The following B4GALNT2 variants were observed in gnomAD, a reference collection of about 807,000 sequenced individuals.
The protein encoded by B4GALNT2 is N-acetylneuraminylgalactosylglucosyl-glucoside beta-1,4-N- acetylgalactosaminyltransferase 2.
In B4GALNT2, 42 loss-of-function variants were observed where a neutral mutation model predicts 51.1. The observed-to-expected ratio is 0.82, with a 90% CI of 0.64 to 1.06. The LOEUF is 1.06. Ranked by LOEUF, B4GALNT2 falls within the 50% of genes least tolerant of loss-of-function variation. B4GALNT2 has a pLI of 0.00. For synonymous variants in B4GALNT2, 253 were observed against 251.7 expected (o/e 1.01, Z -0.05); for missense variants, 602 against 633.6 (o/e 0.95, Z 0.54).
rs552267719 is a variant in B4GALNT2 at position 49,164,246 on chromosome 17, G to A, written c.925G>A (p.Val309Met). ...QKPLEIKDNH[V>M]EYYTMPFGKG... ...GCCCCTGGAAATTAAAGACAATCAC[G>A]TGGAGTATTACACTATGCCCTTTGG... Residue 309 changes from valine to methionine, a missense_variant, in exon 8 of 11, where the codon GTG becomes ATG. Transcript: ENST00000393354. 2.5e-6 allele frequency: 4 copies of A among 1,613,060 alleles called. No homozygotes were observed. The highest frequency in any genetic ancestry group is 2.2e-5 in the East Asian group (1 of 44,874).
At position 49,176,049 on chromosome 17, in the gene B4GALNT2, C is replaced by T. The variant is rs1251748127; in HGVS notation, c.*6321C>T. On this transcript the variant is annotated 3_prime_UTR_variant, in exon 11 of 11. Transcript: ENST00000393354. ...GAACGCACCAGAGCCCACACTTGTCCCATTGTTACCCTGATGTTTCCGAGC... is the reference window on the plus strand; with the variant it reads ...GAACGCACCAGAGCCCACACTTGTCTCATTGTTACCCTGATGTTTCCGAGC... The T allele has an allele frequency of 6.6e-6, 1 of 152,210 alleles. No individual in the cohort carries two copies. Among genetic ancestry groups the T allele is most frequent in the African/African-American group, 2.4e-5 (1 of 41,442 alleles). 9.4% of individuals were successfully genotyped at this position (152,210 alleles called of 1,614,324 possible). A position where few individuals can be genotyped will look rare whatever the true frequency, so the allele number is the denominator to read the frequency against.
chr17:49,148,682 G>T (rs1036487187), intron 3 of B4GALNT2: 1 of 562,592 alleles, frequency 1.8e-6, no homozygotes, highest in Non-Finnish European at 3.2e-6. Flanking sequence ...TGACATGAAG[G>T]TCGGGCACCT....
At chr17:49,164,387 GTCCA>G in intron 8 of B4GALNT2, 112 bp downstream of exon 8, 1 of 972,546 alleles carries the variant, frequency 1.0e-6, no homozygotes, top group Non-Finnish European at 1.5e-6. Flanking sequence ...AGAAAGCAGA[GTCCA>G]GGAGTGGGAG....
chr17:49,137,196 C>T (rs908336818), intron 1 of B4GALNT2, among the ~76,000 whole-genome samples: 1 of 151,924 alleles, frequency 6.6e-6, no homozygotes, highest in Non-Finnish European at 1.5e-5. Flanking sequence ...TTAAAAATTG[C>T]TTTAGTTATA....
chr17:49,144,553 G>T (rs2042674863), intron 3 of B4GALNT2, among the ~76,000 whole-genome samples: 1 of 152,238 alleles, frequency 6.6e-6, no homozygotes, highest in South Asian at 2.1e-4. Flanking sequence ...CTATCTGCCA[G>T]CTAGGTGATC....
intron 7 of B4GALNT2, among the ~76,000 whole-genome samples, chr17:49,161,468 ATGGGAGGATCGCTTGAGCC>A (rs1380852897): frequency 3.3e-5 from 5 of 151,978 alleles, no homozygotes; most frequent in African/African-American, 9.7e-5. Context: ...GGAGGCGGAG[ATGGGAGGATCGCTTGAGCC>A]TGGGAGGTCA....
chr17:49,152,352 A>G (rs1038117256), intron 3 of B4GALNT2, among the ~76,000 whole-genome samples: 9 of 152,162 alleles, frequency 5.9e-5, no homozygotes, highest in Non-Finnish European at 1.2e-4. Context: ...TACTCCAGCC[A>G]GGGTGACAAA....
chr17:49,168,725 G>C lies in B4GALNT2; in HGVS notation c.1140G>C (p.Leu380Phe). ...VLGNVFQFKL[L>F]LEQSENGACL... ...GAAATGTGTTCCAGTTTAAGTTGTT[G>C]CTGGAACAGAGTGAGAATGGGGCCT... The change falls in exon 10 of 11, where the codon TTG becomes TTC. Residue 380 changes from leucine to phenylalanine, a missense_variant. Physicochemically the swap from Leu to Phe is conservative, Grantham distance 22. Transcript: ENST00000393354. The C allele has an allele frequency of 6.2e-7, 1 of 1,614,128 alleles. No individual in the cohort carries two copies. The highest frequency in any genetic ancestry group is 1.1e-5 in the South Asian group (1 of 91,066).
chr17:49,139,896 C>T (rs1042646773), intron 1 of B4GALNT2, among the ~76,000 whole-genome samples: 4 of 151,274 alleles, frequency 2.6e-5, no homozygotes, highest in Non-Finnish European at 5.9e-5. Flanking sequence ...TGTCCTAATA[C>T]GTGGCCAACT....
At chr17:49,132,711 G>T, upstream of B4GALNT2, 1 of 1,360,306 alleles carries the variant, frequency 7.4e-7, no homozygotes, top group Non-Finnish European at 9.5e-7. Context: ...AATTTGCCCG[G>T]GTCGGTGCCA....
At chr17:49,158,465 C>T (rs1339960985) in intron 5 of B4GALNT2, among the ~76,000 whole-genome samples, 5 of 152,070 alleles carry the variant, frequency 3.3e-5, no homozygotes, top group Non-Finnish European at 7.4e-5. Context: ...GAAAGCCCGT[C>T]TCTACTAAAC....
chr17:49,150,516 T>A (rs2042742806), intron 3 of B4GALNT2, among the ~76,000 whole-genome samples: 1 of 152,184 alleles, frequency 6.6e-6, no homozygotes, highest in African/African-American at 2.4e-5. Context: ...AGAAATCGGA[T>A]GGTTGCCGTG....
chr17:49,163,834 A>G (rs1490728743), intron 7 of B4GALNT2, among the ~76,000 whole-genome samples: 1 of 152,046 alleles, frequency 6.6e-6, no homozygotes, highest in Non-Finnish European at 1.5e-5. Context: ...AAAATGAAGC[A>G]TTCAGACAGA....
intron 1 of B4GALNT2, among the ~76,000 whole-genome samples, chr17:49,136,610 G>A (rs2042592995): frequency 1.3e-5 from 2 of 151,652 alleles, no homozygotes; most frequent in South Asian, 4.2e-4. Flanking sequence ...ACAGTGGCGC[G>A]ATCTCAGCCC....
At chr17:49,125,099 T>C in the B4GALNT2 span, among the ~76,000 whole-genome samples, 1 of 152,216 alleles carries the variant, frequency 6.6e-6, no homozygotes, top group South Asian at 2.1e-4. Context: ...CTTAAATACA[T>C]GTTACACTTA....
At chr17:49,153,359 G>T (rs980859942) in intron 4 of B4GALNT2, among the ~76,000 whole-genome samples, 90 of 152,260 alleles carry the variant, frequency 5.9e-4, no homozygotes, top group African/African-American at 2.0e-3. Flanking sequence ...AGGCTGCAGT[G>T]AGCAGAGATT....
Position 49,164,215 on chromosome 17 carries a change from C to A in B4GALNT2, c.894C>A (p.Ser298Arg), listed in dbSNP as rs139177834. The change falls in exon 8 of 11, where the codon AGC becomes AGA. Residue 298 changes from serine to arginine, a missense_variant. Coordinates refer to ENST00000393354, the MANE Select transcript of B4GALNT2 (RefSeq NM_001159387.2). ...TGACCGTAATAGTGGCTGATGACAGCCAGAAGCCCCTGGAAATTAAAGACA... is the reference window on the plus strand; with the variant it reads ...TGACCGTAATAGTGGCTGATGACAGACAGAAGCCCCTGGAAATTAAAGACA... ...PDLTVIVADD[S>R]QKPLEIKDNH... 1 of 1,613,600 alleles carries A rather than the reference C, an allele frequency of 6.2e-7. No homozygotes were observed. The highest frequency in any genetic ancestry group is 1.1e-5 in the South Asian group (1 of 91,072).
At chr17:49,137,319 C>T (rs1011793701) in intron 1 of B4GALNT2, among the ~76,000 whole-genome samples, 1 of 152,154 alleles carries the variant, frequency 6.6e-6, no homozygotes, top group Non-Finnish European at 1.5e-5. Flanking sequence ...AAGGGCTCTG[C>T]GCTCATGAAT....
intron 10 of B4GALNT2, among the ~76,000 whole-genome samples, chr17:49,169,298 G>T (rs2042939912): frequency 6.6e-6 from 1 of 152,078 alleles, no homozygotes; most frequent in Non-Finnish European, 1.5e-5. Context: ...GTGCCACTCT[G>T]CCTCTGTGCC....
Sources: gnomAD v4.1 joint callset for allele counts (sites outside exome capture counted in the v4.1 genomes callset) on GRCh38, gnomAD v4.1.1 for gene constraint, MANE v1.5 for transcripts, NCBI Gene and HGNC (gene_info 2026-07-23, HGNC 2026-07-21) for gene names.